COL4A5: variants seen among roughly 807,000 people sequenced by gnomAD.
COL4A5 encodes collagen alpha-5(IV) chain.
COL4A5 carries 26 observed loss-of-function variants against 130.2 expected under a neutral mutation model. That is an observed-to-expected ratio of 0.20 (90% CI 0.15 to 0.28). The LOEUF is 0.28. Among genes scored for constraint, COL4A5 ranks in the 10% least tolerant of loss-of-function variants. COL4A5 has a pLI of 1.00. For missense variants in COL4A5, 1,131 were observed against 1,344.3 expected (o/e 0.84, Z 2.48); for synonymous variants, 496 against 439.6 (o/e 1.13, Z -1.60).
intron 1 of COL4A5, among the ~76,000 whole-genome samples, chrX:108,458,559 T>G (rs896248282): frequency 8.9e-6 from 1 of 112,079 alleles, no homozygotes; most frequent in Middle Eastern, 4.6e-3. Context: ...CTTGGCAATT[T>G]GTACAAGTAA....
In COL4A5 at chrX:108,625,775, C is replaced by T. The variant is rs753857456; in HGVS notation, c.3087C>T (p.Ile1029=). The change falls in exon 35 of 53, where the codon ATC becomes ATT. Residue 1029 remains isoleucine (I), a synonymous_variant. Coordinates refer to ENST00000328300, the MANE Select transcript of COL4A5 (RefSeq NM_033380.3). ...GACCTCCTGGACTTAAAGGAACCAT[C>T]GGTGATATGGGTTTTCCAGGTGAGT... ...LIGPPGLKGT[I]GDMGFPGPQG... The T allele has an allele frequency of 3.3e-6, 4 of 1,200,604 alleles. No individual in the cohort carries two copies. Among genetic ancestry groups the T allele is most frequent in the Non-Finnish European group, 4.5e-6 (4 of 885,649 alleles).
chrX:108,570,435 A>G (rs1465545924), intron 6 of COL4A5, among the ~76,000 whole-genome samples: 1 of 108,914 alleles, frequency 9.2e-6, no homozygotes, highest in Non-Finnish European at 1.9e-5. Context: ...AGTGTGCTAT[A>G]TGATTAAAGG....
intron 36 of COL4A5, among the ~76,000 whole-genome samples, chrX:108,647,106 C>A (rs182615343): frequency 0.096 from 10,488 of 109,638 alleles, 1,258 homozygotes; most frequent in African/African-American, 0.32. Context: ...AGTTTTTTCC[C>A]ATTCTGTGAA....
chrX:108,475,351 A>G (rs1045408543), intron 1 of COL4A5, among the ~76,000 whole-genome samples: 1 of 111,498 alleles, frequency 9.0e-6, no homozygotes, highest in African/African-American at 3.3e-5. Flanking sequence ...GATTTTTAAT[A>G]TGCACAATTA....
rs768409207 is a variant in COL4A5, at chrX:108,601,624, G to A, written c.2041+139G>A. ...TTGCTGCAGCAACCTCCTACTTCTGGGTTCAAGCAGTTCTCCCTGCCTCAG... is the reference window on the plus strand; with the variant it reads ...TTGCTGCAGCAACCTCCTACTTCTGAGTTCAAGCAGTTCTCCCTGCCTCAG... On this transcript the variant is annotated intron_variant, in intron 26 of 52. Coordinates refer to ENST00000328300, the MANE Select transcript of COL4A5 (RefSeq NM_033380.3). The A allele has an allele frequency of 2.3e-4, 117 of 497,906 alleles. 1 individual carries two copies. The highest frequency in any genetic ancestry group is 3.8e-4 in the Non-Finnish European group (109 of 288,575). The allele number at this position is 497,906 out of a possible 1,213,427, so 41.0% of individuals were successfully genotyped here.
In COL4A5 at chrX:108,534,142, GAGAGAA is replaced by G. The variant is rs887651664; in HGVS notation, c.82-5592_82-5587del. Among the ~76,000 whole-genome samples, 67 of 108,611 alleles carry G rather than the reference GAGAGAA, an allele frequency of 6.2e-4. No homozygotes were observed. The Middle Eastern group carries it at 0.019, about 30-fold the overall frequency. 94.3% of individuals were successfully genotyped at this position (108,611 alleles called of 115,157 possible). On this transcript the variant is annotated intron_variant, in intron 1 of 52. Transcript: ENST00000328300. ...AAACTGTATGGATATTTAAAAGAAA[GAGAGAA>G]AGAGAAAGAGAGAGAGAGAAAGAGA...
intron 36 of COL4A5, among the ~76,000 whole-genome samples, chrX:108,633,650 G>A (rs771590446): frequency 6.3e-5 from 7 of 110,948 alleles, no homozygotes; most frequent in Non-Finnish European, 1.3e-4. Context: ...ATTGGTAAAT[G>A]TCCAAAGTAT....
At chrX:108,667,926 A>G (rs907499482) in intron 40 of COL4A5, among the ~76,000 whole-genome samples, 7 of 111,483 alleles carry the variant, frequency 6.3e-5, no homozygotes, top group African/African-American at 2.3e-4. Flanking sequence ...TTGAAGAGCC[A>G]TATCTTTCAT....
chrX:108,538,641 C>A (rs1479892117), intron 1 of COL4A5, among the ~76,000 whole-genome samples: 1 of 111,243 alleles, frequency 9.0e-6, no homozygotes, highest in Non-Finnish European at 1.9e-5. Flanking sequence ...ATATCAAAGG[C>A]CCTCAAGATT....
intron 28 of COL4A5, among the ~76,000 whole-genome samples, 197 bp downstream of exon 28, chrX:108,603,258 A>G (rs987418136): frequency 6.8e-5 from 5 of 73,385 alleles, no homozygotes; most frequent in African/African-American, 1.8e-4. Context: ...CATTTGGAGC[A>G]AAAAAAAAAA....
chrX:108,473,634 T>TATATATATATATATGTATA (rs1556359558), intron 1 of COL4A5, among the ~76,000 whole-genome samples: 1 of 22,927 alleles, frequency 4.4e-5, no homozygotes, highest in East Asian at 6.6e-4. Context: ...TATATATATA[T>TATATATATATATATGTATA]TTTTTTTTTT....
intron 35 of COL4A5, 134 bp from the exon 36 acceptor site, chrX:108,626,076 T>C: frequency 1.7e-6 from 1 of 585,467 alleles, no homozygotes; most frequent in Non-Finnish European, 2.7e-6. Flanking sequence ...TAATTGTGTT[T>C]GTGAGGCTCA....
intron 1 of COL4A5, among the ~76,000 whole-genome samples, chrX:108,441,008 G>C (rs1366949932): frequency 9.0e-6 from 1 of 111,439 alleles, no homozygotes; most frequent in Non-Finnish European, 1.9e-5. Flanking sequence ...AAAGGAAAGT[G>C]GGGGAGGAGG....
intron 19 of COL4A5, among the ~76,000 whole-genome samples, chrX:108,587,180 G>A (rs2066349843): frequency 2.7e-5 from 3 of 111,052 alleles, no homozygotes; most frequent in Admixed American, 1.9e-4. Flanking sequence ...GTTAACTGCT[G>A]TGAATCTACT....
intron 1 of COL4A5, among the ~76,000 whole-genome samples, chrX:108,501,711 A>G (rs780489222): frequency 1.8e-5 from 2 of 112,536 alleles, no homozygotes; most frequent in African/African-American, 6.4e-5. Context: ...AGTTGTGTCA[A>G]TGACCTTTCA....
At chrX:108,605,485 A>G (rs764228398) in intron 28 of COL4A5, among the ~76,000 whole-genome samples, 1 of 112,021 alleles carries the variant, frequency 8.9e-6, no homozygotes, top group Non-Finnish European at 1.9e-5. Context: ...TGGTAACATC[A>G]GTGATCACAT....
At chrX:108,479,477 G>C (rs2064867619) in intron 1 of COL4A5, among the ~76,000 whole-genome samples, 1 of 112,256 alleles carries the variant, frequency 8.9e-6, no homozygotes, top group African/African-American at 3.2e-5. Context: ...AGGGACCGTA[G>C]TGTTGCAGCT....
chrX:108,624,122 C>A, intron 33 of COL4A5, 114 bp from the exon 34 acceptor site: 1 of 581,603 alleles, frequency 1.7e-6, no homozygotes, highest in Non-Finnish European at 2.9e-6. Flanking sequence ...ATCAGAATAT[C>A]ACCAGTTCCT....
chrX:108,505,074 C>G (rs954952000), intron 1 of COL4A5, among the ~76,000 whole-genome samples: 4 of 111,466 alleles, frequency 3.6e-5, no homozygotes, highest in Non-Finnish European at 7.5e-5. Flanking sequence ...GGAATAATGT[C>G]TTTTGCAGCA....
Sources: gnomAD v4.1 joint callset for allele counts (sites outside exome capture counted in the v4.1 genomes callset) on GRCh38, gnomAD v4.1.1 for gene constraint, MANE v1.5 for transcripts, NCBI Gene and HGNC (gene_info 2026-07-23, HGNC 2026-07-21) for gene names.